Variants in PKNOX2 observed in about 807,000 individuals in gnomAD.
The protein encoded by PKNOX2 is homeobox protein PKNOX2.
In PKNOX2, 14 loss-of-function variants were observed where a neutral mutation model predicts 53.1. That is an observed-to-expected ratio of 0.26 (90% CI 0.17 to 0.41). PKNOX2 has a LOEUF of 0.41. Among genes scored for constraint, PKNOX2 ranks in the 10% least tolerant of loss-of-function variants. The pLI is 1.00. For missense variants in PKNOX2, 496 were observed against 602.8 expected (o/e 0.82, Z 1.85); for synonymous variants, 257 against 242.8 (o/e 1.06, Z -0.54).
At chr11:125,298,771 G>C (rs1300323262) in intron 2 of PKNOX2, among the ~76,000 whole-genome samples, 10 of 152,174 alleles carry the variant, frequency 6.6e-5, no homozygotes, top group Admixed American at 6.5e-4. Context: ...TCAGACTTTG[G>C]CTCGTGACCT....
At chr11:125,338,344 G>A (rs1161350195) in intron 3 of PKNOX2, among the ~76,000 whole-genome samples, 1 of 152,208 alleles carries the variant, frequency 6.6e-6, no homozygotes, top group Non-Finnish European at 1.5e-5. Flanking sequence ...ACAGCAGACT[G>A]CTCTTCCCAG....
intron 2 of PKNOX2, among the ~76,000 whole-genome samples, chr11:125,314,458 C>G (rs574825498): frequency 1.3e-5 from 2 of 152,266 alleles, no homozygotes; most frequent in East Asian, 1.9e-4. Context: ...CCAGATGGCC[C>G]GGCAGTTTCT....
chr11:125,305,616 C>T (rs1247525244), intron 2 of PKNOX2, among the ~76,000 whole-genome samples: 1 of 152,174 alleles, frequency 6.6e-6, no homozygotes, highest in Non-Finnish European at 1.5e-5. Flanking sequence ...TTTTAATGTG[C>T]TCAAAGAAAT....
At chr11:125,322,133 G>A (rs548074431) in intron 2 of PKNOX2, among the ~76,000 whole-genome samples, 1 of 152,216 alleles carries the variant, frequency 6.6e-6, no homozygotes, top group Admixed American at 6.5e-5. Flanking sequence ...TTGAAGGAGA[G>A]TCATAGGCTA....
At chr11:125,171,761 A>T (rs1955336302) in intron 1 of PKNOX2, among the ~76,000 whole-genome samples, 1 of 152,246 alleles carries the variant, frequency 6.6e-6, no homozygotes, top group Non-Finnish European at 1.5e-5. Context: ...TAGCCAGTCA[A>T]TGCTGTGGCC....
rs144054086 is a variant in PKNOX2 at position 125,171,037 on chromosome 11, T to C, written c.-201+6261T>C. ...AGAAAGCGGCCACAGAAGCAGCAGG[T>C]CACAGGGCACTGAGGCTTGTAAATC... On this transcript the variant is annotated intron_variant, in intron 1 of 12. Transcript: ENST00000298282. Among the ~76,000 whole-genome samples, 1,093 of 152,188 alleles carry C rather than the reference T, an allele frequency of 7.2e-3. 12 individuals carry two copies. The highest frequency in any genetic ancestry group is 0.025 in the African/African-American group (1,017 of 41,508).
chr11:125,286,313 A>T (rs1946895784), intron 2 of PKNOX2, among the ~76,000 whole-genome samples: 1 of 152,256 alleles, frequency 6.6e-6, no homozygotes, highest in African/African-American at 2.4e-5. Context: ...AAGGTTTAAT[A>T]ACTCAAATCA....
chr11:125,264,693 C>T (rs1945168948), intron 2 of PKNOX2, among the ~76,000 whole-genome samples: 1 of 150,770 alleles, frequency 6.6e-6, no homozygotes, highest in South Asian at 2.1e-4. Flanking sequence ...TTACCCCCAT[C>T]CCCTGAAAAG....
At chr11:125,381,319 C>T (rs1165603103) in intron 5 of PKNOX2, among the ~76,000 whole-genome samples, 1 of 152,024 alleles carries the variant, frequency 6.6e-6, no homozygotes, top group Non-Finnish European at 1.5e-5. Flanking sequence ...AAGAGAGGAT[C>T]TGGGGGCTGA....
chr11:125,272,482 T>A (rs1945864240), intron 2 of PKNOX2, among the ~76,000 whole-genome samples: 1 of 152,220 alleles, frequency 6.6e-6, no homozygotes, highest in South Asian at 2.1e-4. Flanking sequence ...ATGATTAATA[T>A]GGGACAACTG....
At chr11:125,373,792 C>T (rs1011282207) in intron 5 of PKNOX2, among the ~76,000 whole-genome samples, 3 of 152,148 alleles carry the variant, frequency 2.0e-5, no homozygotes, top group Non-Finnish European at 2.9e-5. Context: ...GAAAGATAGG[C>T]GTAGAAAGTA....
chr11:125,175,399 G>A (rs1452088261), intron 1 of PKNOX2, among the ~76,000 whole-genome samples: 2 of 152,204 alleles, frequency 1.3e-5, no homozygotes, highest in Non-Finnish European at 2.9e-5. Flanking sequence ...GTGGAACTGG[G>A]CTCTGGGGAG....
At chr11:125,248,163 G>A (rs1943703872) in intron 2 of PKNOX2, among the ~76,000 whole-genome samples, 1 of 152,184 alleles carries the variant, frequency 6.6e-6, no homozygotes, top group Non-Finnish European at 1.5e-5. Flanking sequence ...AAATGAACAG[G>A]ACTATTTCTT....
rs777856645 is a variant in PKNOX2, at chr11:125,411,874, G to A, written c.936+9G>A. ...TCTTCCAGCATCTCATGGTGAGTGT[G>A]TGTGTCTTGGGGGTGTGGAGTCCCG... On this transcript the variant is annotated intron_variant, in intron 10 of 12. Transcript: ENST00000298282. 2.5e-6 allele frequency: 4 copies of A among 1,613,946 alleles called. No homozygotes were observed. In the African/African-American group the frequency reaches 5.3e-5, roughly 22 times the overall value.
intron 3 of PKNOX2, among the ~76,000 whole-genome samples, chr11:125,337,376 A>G (rs1565500115): frequency 1.3e-5 from 2 of 152,188 alleles, no homozygotes; most frequent in Non-Finnish European, 2.9e-5. Context: ...TTTTATATCA[A>G]CGAGTGGGAA....
intron 3 of PKNOX2, among the ~76,000 whole-genome samples, chr11:125,347,976 G>A (rs10893374): frequency 0.062 from 9,482 of 152,220 alleles, 951 homozygotes; most frequent in African/African-American, 0.21. Flanking sequence ...TCTGGACAGG[G>A]CCAAGCAGCC....
intron 10 of PKNOX2, among the ~76,000 whole-genome samples, chr11:125,418,561 A>C (rs1174073152): frequency 1.3e-5 from 2 of 152,038 alleles, no homozygotes; most frequent in Non-Finnish European, 2.9e-5. Context: ...TGCACTGCAC[A>C]GAGCTCCTGG....
intron 2 of PKNOX2, among the ~76,000 whole-genome samples, chr11:125,319,748 A>G (rs1949406148): frequency 6.6e-6 from 1 of 152,176 alleles, no homozygotes; most frequent in Non-Finnish European, 1.5e-5. Flanking sequence ...TGAGGAAGTG[A>G]CTCTTGAGTT....
At chr11:125,371,447 G>A (rs1048307738) in intron 5 of PKNOX2, among the ~76,000 whole-genome samples, 13 of 152,164 alleles carry the variant, frequency 8.5e-5, no homozygotes, top group Admixed American at 4.6e-4. Context: ...TGAGGAGTCC[G>A]ATGTTAGGGG....
Sources: allele counts gnomAD v4.1 joint callset (sites outside exome capture counted in the v4.1 genomes callset), GRCh38; gene constraint gnomAD v4.1.1; transcripts MANE v1.5; gene names NCBI Gene and HGNC (gene_info 2026-07-23, HGNC 2026-07-21).